Variants in MAP3K13 observed in about 807,000 individuals in gnomAD.
MAP3K13 encodes the protein leucine zipper-bearing kinase.
Under a neutral mutation model 104.0 loss-of-function variants are expected in MAP3K13, and 52 were observed. That is an observed-to-expected ratio of 0.50 (90% CI 0.40 to 0.63). The LOEUF (loss-of-function observed/expected upper bound fraction) is 0.63, where lower values mean the gene tolerates loss of function less well. Ranked by LOEUF, MAP3K13 falls within the 20% of genes least tolerant of loss-of-function variation. The pLI is 0.00. For missense variants in MAP3K13, 914 were observed against 1,218.5 expected, an observed-to-expected ratio of 0.75 and a Z score of 3.72; for synonymous variants, 394 against 442.2, an observed-to-expected ratio of 0.89 and a Z score of 1.37.
chr3:185,412,862 T>C (rs1023850993), intron 1 of MAP3K13, among the ~76,000 whole-genome samples: 1 of 152,186 alleles, frequency 6.6e-6, no homozygotes. Flanking sequence ...CTTCTGGTGA[T>C]TTGGTAAAAC....
chr3:185,347,514 C>T (rs567735391), intron 2 of MAP3K13, among the ~76,000 whole-genome samples: 2 of 152,296 alleles, frequency 1.3e-5, no homozygotes, highest in South Asian at 4.1e-4. Context: ...TCTCGGTCTA[C>T]TTGTCCGACT....
intron 1 of MAP3K13, among the ~76,000 whole-genome samples, chr3:185,395,973 C>T (rs1204863209): frequency 1.3e-5 from 2 of 152,110 alleles, no homozygotes; most frequent in Non-Finnish European, 2.9e-5. Flanking sequence ...GCCACTGCGT[C>T]TGGCCCTAAT....
intron 1 of MAP3K13, among the ~76,000 whole-genome samples, chr3:185,285,029 C>T (rs1004116514): frequency 6.6e-6 from 1 of 150,636 alleles, no homozygotes; most frequent in Non-Finnish European, 1.5e-5. Flanking sequence ...TTATGTCATA[C>T]GGGTGTGTGT....
Position 185,487,648 on chromosome 3 carries a change from A to G in MAP3K13, c.*5192A>G, listed in dbSNP as rs1336508448. The G allele has an allele frequency of 6.6e-6, 1 of 152,014 alleles. No homozygotes were observed. The highest frequency in any genetic ancestry group is 1.5e-5 in the Non-Finnish European group (1 of 68,002). 9.4% of individuals were successfully genotyped at this position (152,014 alleles called of 1,614,324 possible). ...CTGGAACTGAATTCTCCAGAACATA[A>G]TATTTATAATCCATAGAATTCCTGC... On this transcript the variant is annotated 3_prime_UTR_variant, in exon 14 of 14. Coordinates refer to ENST00000265026, the MANE Select transcript of MAP3K13 (RefSeq NM_004721.5).
chr3:185,421,224 C>CGAATAGAG (rs1714106817), intron 1 of MAP3K13, among the ~76,000 whole-genome samples: 1 of 151,714 alleles, frequency 6.6e-6, no homozygotes, highest in Non-Finnish European at 1.5e-5. Context: ...GGCGGAGTCT[C>CGAATAGAG]CCTCTATTGC....
chr3:185,357,408 A>G (rs1441736760), intron 2 of MAP3K13, among the ~76,000 whole-genome samples: 1 of 144,382 alleles, frequency 6.9e-6, no homozygotes, highest in Non-Finnish European at 1.5e-5. Context: ...AGATCGCGCC[A>G]TTGCACTCCA....
chr3:185,368,458 T>A (rs6779311), intron 1 of MAP3K13, among the ~76,000 whole-genome samples: 6,627 of 152,118 alleles, frequency 0.044, 490 homozygotes, highest in African/African-American at 0.15. Flanking sequence ...GTAAGGTAAG[T>A]TAGATGTTGG....
chr3:185,436,090 A>G (rs1298774885), intron 2 of MAP3K13, among the ~76,000 whole-genome samples: 2 of 152,210 alleles, frequency 1.3e-5, no homozygotes, highest in African/African-American at 4.8e-5. Context: ...AGAAGCCTCA[A>G]TGGATTACAT....
At chr3:185,419,136 C>T (rs13067201) in intron 1 of MAP3K13, among the ~76,000 whole-genome samples, 1 of 151,764 alleles carries the variant, frequency 6.6e-6, no homozygotes, top group East Asian at 1.9e-4. Flanking sequence ...CCTGCCTCAG[C>T]CTCCTGAGTA....
At chr3:185,383,104 A>G (rs1185120015) in intron 1 of MAP3K13, among the ~76,000 whole-genome samples, 2 of 127,580 alleles carry the variant, frequency 1.6e-5, no homozygotes, top group Non-Finnish European at 3.3e-5. Flanking sequence ...GAGTGAGAAT[A>G]TGCGGTGTTT....
chr3:185,350,586 T>A (rs1723104103), intron 2 of MAP3K13, among the ~76,000 whole-genome samples: 1 of 152,224 alleles, frequency 6.6e-6, no homozygotes, highest in African/African-American at 2.4e-5. Context: ...CTTGTTTTAA[T>A]CATACTATAT....
At chr3:185,362,685 G>A (rs1325741748), upstream of MAP3K13, among the ~76,000 whole-genome samples, 1 of 152,112 alleles carries the variant, frequency 6.6e-6, no homozygotes, top group Non-Finnish European at 1.5e-5. Flanking sequence ...ACAAGTCGTG[G>A]TGAGCAGGGC....
chr3:185,407,301 C>T (rs1242173413), intron 1 of MAP3K13, among the ~76,000 whole-genome samples: 6 of 152,078 alleles, frequency 3.9e-5, no homozygotes, highest in Admixed American at 3.9e-4. Flanking sequence ...GATATGTAAT[C>T]GTGACTGTGC....
At chr3:185,462,030 G>C (rs1465399645) in intron 7 of MAP3K13, among the ~76,000 whole-genome samples, 3 of 152,136 alleles carry the variant, frequency 2.0e-5, no homozygotes, top group African/African-American at 7.2e-5. Context: ...GCTACCTGAC[G>C]ATCTGGAGAG....
intron 2 of MAP3K13, among the ~76,000 whole-genome samples, chr3:185,324,357 T>C (rs1227279654): frequency 2.0e-5 from 3 of 152,178 alleles, no homozygotes; most frequent in Non-Finnish European, 4.4e-5. Flanking sequence ...TTATATTTCT[T>C]CTCTGAACTG....
intron 1 of MAP3K13, among the ~76,000 whole-genome samples, chr3:185,370,606 A>C (rs920591545): frequency 1.3e-5 from 2 of 152,208 alleles, no homozygotes; most frequent in Non-Finnish European, 2.9e-5. Flanking sequence ...GATGGATTAT[A>C]GGTTAAATCA....
At chr3:185,332,151 A>G (rs1017536818) in intron 2 of MAP3K13, among the ~76,000 whole-genome samples, 36 of 152,090 alleles carry the variant, frequency 2.4e-4, no homozygotes, top group Non-Finnish European at 5.3e-4. Flanking sequence ...AAATTCCCCA[A>G]AGTAGAATTA....
At chr3:185,475,343 C>T (rs1479331486) in intron 11 of MAP3K13, among the ~76,000 whole-genome samples, 1 of 152,164 alleles carries the variant, frequency 6.6e-6, no homozygotes, top group East Asian at 1.9e-4. Flanking sequence ...ATGGTAGACA[C>T]CCACCCAATT....
At chr3:185,379,131 C>T (rs1356500763) in intron 1 of MAP3K13, among the ~76,000 whole-genome samples, 2 of 152,138 alleles carry the variant, frequency 1.3e-5, no homozygotes, top group Non-Finnish European at 2.9e-5. Context: ...GGTGTCCCTG[C>T]AATTGACTTG....
Sources: allele counts gnomAD v4.1 joint callset (sites outside exome capture counted in the v4.1 genomes callset), GRCh38; gene constraint gnomAD v4.1.1; transcripts MANE v1.5; gene names NCBI Gene and HGNC (gene_info 2026-07-23, HGNC 2026-07-21).